Variants in FBP1 observed in about 807,000 individuals in gnomAD.
FBP1 encodes the protein fructose-bisphosphatase 1.
Under a neutral mutation model 29.9 loss-of-function variants are expected in FBP1, and 22 were observed. The ratio of observed to expected loss-of-function variants is 0.74; its 90% CI spans 0.53 to 1.05. The LOEUF (loss-of-function observed/expected upper bound fraction) is 1.05. FBP1 is among the 50% of genes least tolerant of loss of function. The probability of loss-of-function intolerance (pLI) is 0.00; values close to 1 mark genes in which losing one functional copy is unlikely to be tolerated. For synonymous variants in FBP1, 175 were observed against 178.6 expected, an observed-to-expected ratio of 0.98 and a Z score of 0.16; for missense variants, 345 against 448.2, an observed-to-expected ratio of 0.77 and a Z score of 2.08.
chr9:94,633,939 C>A (rs544910023), intron 1 of FBP1, among the ~76,000 whole-genome samples: 1 of 151,150 alleles, frequency 6.6e-6, no homozygotes, highest in Non-Finnish European at 1.5e-5. Flanking sequence ...ATCTCCTGAC[C>A]TCGTGATCCG....
Position 94,614,170 on chromosome 9 carries a change from A to AG in FBP1, c.426+3597dup, listed in dbSNP as rs926576513. On this transcript the variant is annotated intron_variant, in intron 3 of 6. Coordinates refer to ENST00000375326, the MANE Select transcript of FBP1 (RefSeq NM_000507.4). The stretch of plus-strand genomic sequence containing the variant: ...AGGAGGGGAAGAAGGCAGAGGAGGA[A>AG]GGGGGGGACGAGGAGGAGCAGGGGG... 4.4e-5 allele frequency among the ~76,000 whole-genome samples: 5 copies of AG among 113,116 alleles called. No homozygotes were observed. The East Asian group carries it at 9.1e-4, about 21-fold the overall frequency. 74.2% of individuals were successfully genotyped at this position (113,116 alleles called of 152,430 possible). A position where few individuals can be genotyped will look rare whatever the true frequency, so the allele number is the denominator to read the frequency against.
intron 4 of FBP1, among the ~76,000 whole-genome samples, chr9:94,608,241 A>C (rs1053133856): frequency 1.2e-4 from 19 of 152,324 alleles, no homozygotes; most frequent in African/African-American, 4.6e-4. Context: ...CAGCAAGCGC[A>C]AACAAAGAGG....
chr9:94,623,979 G>A (rs965041580), intron 1 of FBP1, among the ~76,000 whole-genome samples: 3 of 152,186 alleles, frequency 2.0e-5, no homozygotes, highest in Non-Finnish European at 2.9e-5. Flanking sequence ...TAATTTAGAT[G>A]GTCAGGAAGA....
At chr9:94,612,361 G>A (rs1827797683) in intron 3 of FBP1, among the ~76,000 whole-genome samples, 1 of 152,068 alleles carries the variant, frequency 6.6e-6, no homozygotes, top group African/African-American at 2.4e-5. Context: ...GCCGGCCTGT[G>A]GCAAAGGTGC....
At chr9:94,634,546 C>CT (rs1828162624) in intron 1 of FBP1, among the ~76,000 whole-genome samples, 1 of 152,230 alleles carries the variant, frequency 6.6e-6, no homozygotes, top group African/African-American at 2.4e-5. Context: ...TGGAGCACCA[C>CT]TTTCTCCCAA....
At chr9:94,632,822 C>T (rs1290460794) in intron 1 of FBP1, among the ~76,000 whole-genome samples, 1 of 152,230 alleles carries the variant, frequency 6.6e-6, no homozygotes, top group Non-Finnish European at 1.5e-5. Flanking sequence ...ACATCAACAG[C>T]CCAATCCTCA....
intron 1 of FBP1, among the ~76,000 whole-genome samples, chr9:94,624,914 C>T (rs374787505): frequency 1.3e-5 from 2 of 151,922 alleles, no homozygotes; most frequent in African/African-American, 4.8e-5. Context: ...GAGAGGAGAC[C>T]GGAGGGAGAA....
intron 1 of FBP1, among the ~76,000 whole-genome samples, chr9:94,624,245 G>C (rs1316901618): frequency 6.6e-6 from 1 of 150,608 alleles, no homozygotes; most frequent in Non-Finnish European, 1.5e-5. Context: ...GGCTGAGGCA[G>C]AAGAATGGCG....
intron 1 of FBP1, among the ~76,000 whole-genome samples, chr9:94,629,579 A>C (rs2131499386): frequency 6.6e-6 from 1 of 152,316 alleles, no homozygotes; most frequent in African/African-American, 2.4e-5. Flanking sequence ...CCATGGTGCC[A>C]GGAGCCTGGA....
At position 94,605,502 on chromosome 9, in the gene FBP1, T is replaced by C; in HGVS notation, c.780A>G (p.Gly260=). Residue 260 remains glycine, a synonymous_variant, in exon 6 of 7, where the codon GGA becomes GGG. Coordinates refer to ENST00000375326, the MANE Select transcript of FBP1 (RefSeq NM_000507.4). The stretch of plus-strand genomic sequence containing the variant: ...TGTTAGCGGGGTACAGAAATATCCC[T>C]CCGTAGACCAGAGTGCGATGAACAT... ...VADVHRTLVY[G]GIFLYPANKK... 6.2e-7 allele frequency: 1 copy of C among 1,613,964 alleles called. No individual in the cohort carries two copies. The highest frequency in any genetic ancestry group is 8.5e-7 in the Non-Finnish European group (1 of 1,179,946).
At chr9:94,605,647 G>GT in intron 5 of FBP1, 71 bp from the exon 6 acceptor site, 1 of 1,503,688 alleles carries the variant, frequency 6.7e-7, no homozygotes, top group Non-Finnish European at 9.2e-7. Flanking sequence ...TGTCTCCTAA[G>GT]TTTCTTTGAT....
intron 1 of FBP1, 134 bp downstream of exon 1, chr9:94,639,005 CGA>C: frequency 2.2e-6 from 2 of 891,542 alleles, no homozygotes; most frequent in Admixed American, 2.0e-5. Flanking sequence ...AGACAGAGAG[CGA>C]GAGAGGCGCT....
chr9:94,612,723 A>AT (rs968547970), intron 3 of FBP1, among the ~76,000 whole-genome samples: 47 of 147,620 alleles, frequency 3.2e-4, no homozygotes, highest in South Asian at 2.4e-3. Flanking sequence ...CGCCTGGCTA[A>AT]TTTTTTTTTT....
Position 94,605,640 on chromosome 9 carries a change from C to A in FBP1, c.706-64G>T, listed in dbSNP as rs941293638. 6 of 1,548,872 alleles carry A rather than the reference C, an allele frequency of 3.9e-6. No individual in the cohort carries two copies. In the Admixed American group the frequency reaches 1.1e-4, roughly 27 times the overall value. ...ATAAGAAAGAGAGTTTTCTTGGTGTCTCCTAAGTTTCTTTGATTCCACATC... is the reference window on the plus strand; with the variant it reads ...ATAAGAAAGAGAGTTTTCTTGGTGTATCCTAAGTTTCTTTGATTCCACATC... On this transcript the variant is annotated intron_variant, in intron 5 of 6. Transcript: ENST00000375326.
At chr9:94,625,759 C>A (rs923351640) in intron 1 of FBP1, among the ~76,000 whole-genome samples, 1 of 152,100 alleles carries the variant, frequency 6.6e-6, no homozygotes, top group Non-Finnish European at 1.5e-5. Context: ...GGCGCCCCTG[C>A]GCTCCAGCCT....
chr9:94,639,935 C>G (rs34969066), upstream of FBP1: 11,000 of 166,610 alleles, frequency 0.066, 395 homozygotes, highest in African/African-American at 0.074. Flanking sequence ...CAGCTCCTGC[C>G]CCGTGTGGCT....
In FBP1 at chr9:94,605,469, G is replaced by A. The variant is rs1459372969; in HGVS notation, c.813C>T (p.Ser271=). 1 of 1,613,630 alleles carries A rather than the reference G, an allele frequency of 6.2e-7. No homozygotes were observed. The highest frequency in any genetic ancestry group is 1.3e-5 in the African/African-American group (1 of 74,874). The change falls in exon 6 of 7, where the codon AGC becomes AGT. Residue 271 remains serine (S), a synonymous_variant. Transcript: ENST00000375326. Reference sequence around the variant, plus strand: ...GGGACACCCTTACCTTTCCATTGGGGCTCTTCTTGTTAGCGGGGTACAGAA... The same window carrying A: ...GGGACACCCTTACCTTTCCATTGGGACTCTTCTTGTTAGCGGGGTACAGAA... ...GIFLYPANKK[S]PNGKLRLLYE...
intron 3 of FBP1, among the ~76,000 whole-genome samples, chr9:94,615,144 G>A (rs1034133143): frequency 2.0e-5 from 3 of 152,104 alleles, no homozygotes; most frequent in Admixed American, 1.3e-4. Flanking sequence ...TCCTGACCTC[G>A]TGATCCGCCC....
intron 3 of FBP1, among the ~76,000 whole-genome samples, chr9:94,613,813 C>T (rs1827821916): frequency 6.6e-6 from 1 of 150,656 alleles, no homozygotes; most frequent in Non-Finnish European, 1.5e-5. Flanking sequence ...CGCAGTGGCT[C>T]ACGCCTGTAA....
Sources: allele counts gnomAD v4.1 joint callset (sites outside exome capture counted in the v4.1 genomes callset), GRCh38; gene constraint gnomAD v4.1.1; transcripts MANE v1.5; gene names NCBI Gene and HGNC (gene_info 2026-07-23, HGNC 2026-07-21).